The following CNOT4 variants were observed in gnomAD, a reference collection of about 807,000 sequenced individuals.
CNOT4 encodes CCR4-NOT transcription complex subunit 4.
A neutral mutation model predicts 73.8 loss-of-function variants in CNOT4; 8 were observed. The observed-to-expected ratio is 0.11, with a 90% CI of 0.06 to 0.20. The LOEUF (loss-of-function observed/expected upper bound fraction) is 0.20. Among genes scored for constraint, CNOT4 ranks in the 10% least tolerant of loss-of-function variants. The pLI is 1.00. For missense variants in CNOT4, 564 were observed against 883.4 expected, an observed-to-expected ratio of 0.64 and a Z score of 4.58; for synonymous variants, 293 against 321.1, an observed-to-expected ratio of 0.91 and a Z score of 0.94.
chr7:135,438,722 A>G (rs959895029), intron 1 of CNOT4, among the ~76,000 whole-genome samples: 1 of 152,258 alleles, frequency 6.6e-6, no homozygotes, highest in African/African-American at 2.4e-5. Context: ...ATAAGGTAAA[A>G]CAGCACTCTT....
At chr7:135,484,350 C>T (rs773386115) in intron 1 of CNOT4, among the ~76,000 whole-genome samples, 19 of 151,950 alleles carry the variant, frequency 1.3e-4, no homozygotes, top group Non-Finnish European at 2.4e-4. Context: ...CAGACTAGAA[C>T]AGAAGAAAAA....
chr7:135,436,137 C>T (rs1799140674), intron 2 of CNOT4, among the ~76,000 whole-genome samples: 1 of 54,838 alleles, frequency 1.8e-5, no homozygotes, highest in Admixed American at 2.3e-4. Context: ...CCAGGACACC[C>T]TTTTATTCAT....
At chr7:135,425,757 T>C (rs1798455751) in intron 2 of CNOT4, among the ~76,000 whole-genome samples, 1 of 152,214 alleles carries the variant, frequency 6.6e-6, no homozygotes, top group Non-Finnish European at 1.5e-5. Flanking sequence ...AAAAGGTTTA[T>C]TAACTTCAAC....
At chr7:135,442,405 T>C (rs1799532109) in intron 1 of CNOT4, among the ~76,000 whole-genome samples, 1 of 152,098 alleles carries the variant, frequency 6.6e-6, no homozygotes, top group African/African-American at 2.4e-5. Flanking sequence ...GAGACCAGCC[T>C]GGCCAACATG....
At chr7:135,488,027 C>T (rs529401384) in intron 1 of CNOT4, among the ~76,000 whole-genome samples, 36 of 151,908 alleles carry the variant, frequency 2.4e-4, no homozygotes, top group Middle Eastern at 3.4e-3. Context: ...CGCCACTGCA[C>T]TCCAGCCTGG....
At chr7:135,471,085 C>T (rs188753161) in intron 1 of CNOT4, among the ~76,000 whole-genome samples, 3 of 152,208 alleles carry the variant, frequency 2.0e-5, no homozygotes, top group Non-Finnish European at 2.9e-5. Flanking sequence ...TTCCACTATT[C>T]GGCTGGTGGT....
In CNOT4 at chr7:135,363,374, A is replaced by G. The variant is rs1794744437; in HGVS notation, c.1841-188T>C. Among the ~76,000 whole-genome samples, 1 of 152,212 alleles carries G rather than the reference A, an allele frequency of 6.6e-6. No homozygotes were observed. The highest frequency in any genetic ancestry group is 2.1e-4 in the South Asian group (1 of 4,830). On this transcript the variant is annotated intron_variant, in intron 11 of 11. Coordinates refer to ENST00000541284, the MANE Select transcript of CNOT4 (RefSeq NM_001190850.2). The surrounding 1 kb of genome is among the most constrained non-coding windows in gnomAD (Gnocchi z 4.3). Reference sequence around the variant, plus strand: ...AAAGAACTTATTGGCACACAAACCCATGCCTCCTCTTGAACTAGACTTAGT... The same window carrying G: ...AAAGAACTTATTGGCACACAAACCCGTGCCTCCTCTTGAACTAGACTTAGT...
intron 9 of CNOT4, among the ~76,000 whole-genome samples, chr7:135,395,395 T>A (rs569976633): frequency 6.6e-6 from 1 of 152,302 alleles, no homozygotes; most frequent in African/African-American, 2.4e-5. Flanking sequence ...ATAAGCTTTT[T>A]ACTATTGGGA....
intron 2 of CNOT4, among the ~76,000 whole-genome samples, chr7:135,426,056 A>T (rs1234911333): frequency 2.0e-5 from 3 of 151,518 alleles, no homozygotes; most frequent in African/African-American, 4.9e-5. Flanking sequence ...TACAAAAAAT[A>T]AAAAAAAATT....
intron 9 of CNOT4, among the ~76,000 whole-genome samples, chr7:135,394,819 T>C (rs1317568778): frequency 6.6e-6 from 1 of 151,488 alleles, no homozygotes; most frequent in Non-Finnish European, 1.5e-5. Context: ...ACATGCTTTC[T>C]ATACTAAGAA....
At chr7:135,392,640 C>T (rs956451451) in intron 10 of CNOT4, among the ~76,000 whole-genome samples, 28 of 152,222 alleles carry the variant, frequency 1.8e-4, no homozygotes, top group African/African-American at 6.3e-4. Context: ...TACCTACTAA[C>T]TACCATAATT....
At chr7:135,389,354 G>GA (rs1033831353) in intron 10 of CNOT4, among the ~76,000 whole-genome samples, 3 of 150,776 alleles carry the variant, frequency 2.0e-5, no homozygotes, top group Non-Finnish European at 4.4e-5. Flanking sequence ...TTATGTACTA[G>GA]AAAAAAATGA....
intron 1 of CNOT4, among the ~76,000 whole-genome samples, chr7:135,472,296 T>C (rs1023245405): frequency 2.0e-4 from 30 of 147,942 alleles, no homozygotes; most frequent in African/African-American, 7.0e-4. Context: ...GATAACACAG[T>C]GACACCCCGT....
At chr7:135,478,668 A>C (rs1356090436) in intron 1 of CNOT4, among the ~76,000 whole-genome samples, 1 of 152,210 alleles carries the variant, frequency 6.6e-6, no homozygotes, top group Non-Finnish European at 1.5e-5. Flanking sequence ...GCACCACTGC[A>C]CTTCAGCCTG....
chr7:135,387,330 G>A (rs1796169829), intron 10 of CNOT4: 1 of 985,062 alleles, frequency 1.0e-6, no homozygotes, highest in African/African-American at 1.7e-5. Context: ...CCAAATCTAA[G>A]GATATCTAAG....
chr7:135,500,984 T>C (rs1241451251), intron 1 of CNOT4, among the ~76,000 whole-genome samples: 1 of 76,554 alleles, frequency 1.3e-5, no homozygotes, highest in Non-Finnish European at 2.6e-5. Context: ...CTACTAAACC[T>C]TTTTTTTTTT....
intron 1 of CNOT4, among the ~76,000 whole-genome samples, chr7:135,480,525 C>T (rs1802303683): frequency 6.6e-6 from 1 of 152,142 alleles, no homozygotes; most frequent in South Asian, 2.1e-4. Flanking sequence ...CTTGATCACA[C>T]AGTCTTGTCA....
intron 1 of CNOT4, among the ~76,000 whole-genome samples, chr7:135,489,387 AT>A (rs1170141212): frequency 7.9e-6 from 1 of 126,438 alleles, no homozygotes; most frequent in African/African-American, 3.1e-5. Flanking sequence ...GACTAGTCAC[AT>A]TTCTTTTTTT....
Position 135,464,103 on chromosome 7 carries a change from G to C in CNOT4, c.-92-25680C>G, listed in dbSNP as rs1441951805. 2.7e-5 allele frequency among the ~76,000 whole-genome samples: 4 copies of C among 150,130 alleles called. No homozygotes were observed. The East Asian group carries it at 6.0e-4, about 22-fold the overall frequency. ...ATATTGCTGGTGGTAATGTAAATTAGTTCAACCACTGTGGAAAGCAGTATG... is the reference window on the plus strand; with the variant it reads ...ATATTGCTGGTGGTAATGTAAATTACTTCAACCACTGTGGAAAGCAGTATG... On this transcript the variant is annotated intron_variant, in intron 1 of 11. Transcript: ENST00000541284.
Sources: allele counts gnomAD v4.1 joint callset (sites outside exome capture counted in the v4.1 genomes callset), GRCh38; gene constraint gnomAD v4.1.1; non-coding constraint Gnocchi (gnomAD v3.1); transcripts MANE v1.5; gene names NCBI Gene and HGNC (gene_info 2026-07-23, HGNC 2026-07-21).